Variants in PARD6G observed in about 807,000 individuals in gnomAD.
PARD6G encodes par-6 family cell polarity regulator gamma.
Under a neutral mutation model 10.7 loss-of-function variants are expected in PARD6G, and 7 were observed. The observed-to-expected ratio is 0.66, with a 90% CI of 0.37 to 1.23. The LOEUF (loss-of-function observed/expected upper bound fraction) is 1.23, where lower values mean the gene tolerates loss of function less well. PARD6G is among the 50% of genes most tolerant of loss of function. The pLI is 0.02. For synonymous variants in PARD6G, 287 were observed against 269.4 expected, an observed-to-expected ratio of 1.07 and a Z score of -0.64; for missense variants, 548 against 571.8, an observed-to-expected ratio of 0.96 and a Z score of 0.42.
rs1362267556 is a variant in PARD6G, at chr18:80,247,100, G to A, written c.72+177C>T. 6.6e-6 allele frequency among the ~76,000 whole-genome samples: 1 copy of A among 152,094 alleles called. No homozygotes were observed. The highest frequency in any genetic ancestry group is 1.5e-5 in the Non-Finnish European group (1 of 67,992). On this transcript the variant is annotated intron_variant, in intron 1 of 2. Transcript: ENST00000353265. The surrounding 1 kb of genome is among the most constrained non-coding windows in gnomAD (Gnocchi z 4.2). ...CGGGCTTTGTGTCCGCGCGGGGGGC[G>A]GGAAGGACGGCCGGGGTCCCCAGTG...
At chr18:80,162,251 C>G (rs2052705429) in intron 2 of PARD6G, 1 of 152,200 alleles carries the variant, frequency 6.6e-6, no homozygotes, top group Admixed American at 6.5e-5. Context: ...TCTGGAAGGA[C>G]TTTTGAAATA....
Position 80,228,734 on chromosome 18 carries a change from C to A in PARD6G, c.72+18543G>T, listed in dbSNP as rs1371163606. Among the ~76,000 whole-genome samples, 1 of 151,150 alleles carries A rather than the reference C, an allele frequency of 6.6e-6. No individual in the cohort carries two copies. Reference sequence around the variant, plus strand: ...TCCACCAAAGACCTGCCTCACACCCCCAGGGGCCTGCCTCCCATCTAAGGC... The same window carrying A: ...TCCACCAAAGACCTGCCTCACACCCACAGGGGCCTGCCTCCCATCTAAGGC... On this transcript the variant is annotated intron_variant, in intron 1 of 2. Coordinates refer to ENST00000353265, the MANE Select transcript of PARD6G (RefSeq NM_032510.4). This position sits in a 1 kb window ranked among gnomAD's most constrained non-coding sequence, Gnocchi z 4.6.
At chr18:80,220,507 T>C (rs900474532) in intron 1 of PARD6G, among the ~76,000 whole-genome samples, 4 of 152,204 alleles carry the variant, frequency 2.6e-5, no homozygotes, top group Non-Finnish European at 5.9e-5. Flanking sequence ...AATATATCAG[T>C]ATTGTGTATT....
chr18:80,226,274 G>T (rs931012402), intron 1 of PARD6G, among the ~76,000 whole-genome samples: 1 of 147,178 alleles, frequency 6.8e-6, no homozygotes, highest in Admixed American at 7.0e-5. Context: ...GGGTTCAGGC[G>T]ATTCTCCTGC....
In PARD6G at chr18:80,246,934, G is replaced by A. The variant is rs976524160; in HGVS notation, c.72+343C>T. Among the ~76,000 whole-genome samples, 2 of 152,186 alleles carry A rather than the reference G, an allele frequency of 1.3e-5. No homozygotes were observed. Among genetic ancestry groups the A allele is most frequent in the Non-Finnish European group, 2.9e-5 (2 of 67,970 alleles). ...CAGCCCCTGGCCCTCAACTCGCCCC[G>A]GAAAGGCCGCCCTCCCCTCCAATGT... On this transcript the variant is annotated intron_variant, in intron 1 of 2. Transcript: ENST00000353265. This position sits in a 1 kb window ranked among gnomAD's most constrained non-coding sequence, Gnocchi z 6.7.
rs1200586680 is a variant in PARD6G, at chr18:80,188,247, C to A, written c.295+14463G>T. ...CTTGGGTCCCATGGCTGGCCCCACC[C>A]TGGCCTCTCCCTAAGGGCGTGGAGG... On this transcript the variant is annotated intron_variant, in intron 2 of 2. Transcript: ENST00000353265. The surrounding 1 kb of genome is among the most constrained non-coding windows in gnomAD (Gnocchi z 5.4). 6.6e-6 allele frequency among the ~76,000 whole-genome samples: 1 copy of A among 152,204 alleles called. No homozygotes were observed. The highest frequency in any genetic ancestry group is 2.4e-5 in the African/African-American group (1 of 41,448).
chr18:80,229,247 A>C (rs1967332253), intron 1 of PARD6G, among the ~76,000 whole-genome samples: 1 of 152,214 alleles, frequency 6.6e-6, no homozygotes, highest in Non-Finnish European at 1.5e-5. Flanking sequence ...CAGAAGTGGT[A>C]TTTGAAAAGG....
At position 80,182,579 on chromosome 18, in the gene PARD6G, A is replaced by T. The variant is rs1466837404; in HGVS notation, c.295+20131T>A. Among the ~76,000 whole-genome samples, 1 of 152,244 alleles carries T rather than the reference A, an allele frequency of 6.6e-6. No homozygotes were observed. The highest frequency in any genetic ancestry group is 6.5e-5 in the Admixed American group (1 of 15,292). Reference sequence around the variant, plus strand: ...GTACACTAAAAATCAAGTCACACTTAAAGGTAGTGTTTTTGGCCAATTTGT... The same window carrying T: ...GTACACTAAAAATCAAGTCACACTTTAAGGTAGTGTTTTTGGCCAATTTGT... On this transcript the variant is annotated intron_variant, in intron 2 of 2. Coordinates refer to ENST00000353265, the MANE Select transcript of PARD6G (RefSeq NM_032510.4). The surrounding 1 kb of genome is among the most constrained non-coding windows in gnomAD (Gnocchi z 4.5).
intron 2 of PARD6G, among the ~76,000 whole-genome samples, chr18:80,187,022 C>A (rs1485252506): frequency 6.6e-6 from 1 of 152,006 alleles, no homozygotes; most frequent in Non-Finnish European, 1.5e-5. Context: ...TGGCGTGAAC[C>A]CGGGAGGTGG....
At chr18:80,244,412 C>T (rs978563093) in intron 1 of PARD6G, among the ~76,000 whole-genome samples, 1 of 152,108 alleles carries the variant, frequency 6.6e-6, no homozygotes, top group African/African-American at 2.4e-5. Context: ...AGATCAAGAC[C>T]ATATGGCCCC....
intron 2 of PARD6G, among the ~76,000 whole-genome samples, chr18:80,176,443 T>C (rs1217332257): frequency 6.6e-6 from 1 of 152,202 alleles, no homozygotes; most frequent in Admixed American, 6.5e-5. Flanking sequence ...ACTTACAATG[T>C]ATACTTCCTA....
rs2052847020 is a variant in PARD6G, at chr18:80,181,214, T to C, written c.296-20608A>G. 1.3e-5 allele frequency among the ~76,000 whole-genome samples: 2 copies of C among 152,182 alleles called. No homozygotes were observed. The highest frequency in any genetic ancestry group is 1.3e-4 in the Admixed American group (2 of 15,294). On this transcript the variant is annotated intron_variant, in intron 2 of 2. Transcript: ENST00000353265. This position sits in a 1 kb window ranked among gnomAD's most constrained non-coding sequence, Gnocchi z 7.9. ...TGCGTACACTGACCGTAGACTGGTG[T>C]GTGCACCAAGCATGCCAGGGACCCC...
In PARD6G at chr18:80,189,582, T is replaced by C. The variant is rs2052896523; in HGVS notation, c.295+13128A>G. On this transcript the variant is annotated intron_variant, in intron 2 of 2. Coordinates refer to ENST00000353265, the MANE Select transcript of PARD6G (RefSeq NM_032510.4). This position sits in a 1 kb window ranked among gnomAD's most constrained non-coding sequence, Gnocchi z 5.5. The stretch of plus-strand genomic sequence containing the variant: ...ACTCCAGATGTCTTCTCTTACCCGC[T>C]AACTGACACCACGTCAGGAGCCCAC... 6.6e-6 allele frequency: 1 copy of C among 152,188 alleles called. No homozygotes were observed. The allele number at this position is 152,188 out of a possible 1,614,324, so 9.4% of individuals were successfully genotyped here.
At chr18:80,205,975 C>T (rs1040628078) in intron 1 of PARD6G, among the ~76,000 whole-genome samples, 24 of 152,234 alleles carry the variant, frequency 1.6e-4, no homozygotes, top group Admixed American at 1.4e-3. Flanking sequence ...ATACAGCTCA[C>T]TTTCACCTCA....
In PARD6G at chr18:80,201,311, G is replaced by A. The variant is rs977786449; in HGVS notation, c.295+1399C>T. 5.9e-5 allele frequency among the ~76,000 whole-genome samples: 9 copies of A among 152,316 alleles called. No homozygotes were observed. Among genetic ancestry groups the A allele is most frequent in the Admixed American group, 5.9e-4 (9 of 15,304 alleles). On this transcript the variant is annotated intron_variant, in intron 2 of 2. Coordinates refer to ENST00000353265, the MANE Select transcript of PARD6G (RefSeq NM_032510.4). This position sits in a 1 kb window ranked among gnomAD's most constrained non-coding sequence, Gnocchi z 5.9. ...GTAGAGAGTTCCAGGGCAGGGGGCA[G>A]GGGGCACAGGCCTCCATTCCAGGAC...
intron 2 of PARD6G, among the ~76,000 whole-genome samples, chr18:80,173,583 C>T (rs1028151214): frequency 7.9e-5 from 12 of 151,842 alleles, no homozygotes; most frequent in Middle Eastern, 3.2e-3. Context: ...CGAGATTGTG[C>T]CACTGCACTC....
chr18:80,228,536 G>T lies in PARD6G; in HGVS notation c.72+18741C>A, dbSNP rs972821032. 6.8e-6 allele frequency among the ~76,000 whole-genome samples: 1 copy of T among 146,860 alleles called. No homozygotes were observed. Among genetic ancestry groups the T allele is most frequent in the Non-Finnish European group, 1.5e-5 (1 of 67,306 alleles). ...CCCCAAGGTGCGCAGACTGTCTCTC[G>T]TCTAAGGTCCCAGACACCACAGGGT... On this transcript the variant is annotated intron_variant, in intron 1 of 2. Coordinates refer to ENST00000353265, the MANE Select transcript of PARD6G (RefSeq NM_032510.4). The surrounding 1 kb of genome is among the most constrained non-coding windows in gnomAD (Gnocchi z 4.6).
Position 80,175,666 on chromosome 18 carries a change from T to C in PARD6G, c.296-15060A>G, listed in dbSNP as rs2052804223. On this transcript the variant is annotated intron_variant, in intron 2 of 2. Transcript: ENST00000353265. The surrounding 1 kb of genome is among the most constrained non-coding windows in gnomAD (Gnocchi z 6.7). ...CTGAGTGTATCTGAGTCACGTTCTC[T>C]GTCAGGGCACAACCCTCGTTCCACC... Among the ~76,000 whole-genome samples, 1 of 152,214 alleles carries C rather than the reference T, an allele frequency of 6.6e-6. No homozygotes were observed. The highest frequency in any genetic ancestry group is 2.1e-4 in the South Asian group (1 of 4,830).
At position 80,192,986 on chromosome 18, in the gene PARD6G, CTG is replaced by C. The variant is rs1304402026; in HGVS notation, c.295+9722_295+9723del. Among the ~76,000 whole-genome samples the C allele has an allele frequency of 4.6e-5, 7 of 152,140 alleles. No homozygotes were observed. Among genetic ancestry groups the C allele is most frequent in the African/African-American group, 7.2e-5 (3 of 41,424 alleles). On this transcript the variant is annotated intron_variant, in intron 2 of 2. Coordinates refer to ENST00000353265, the MANE Select transcript of PARD6G (RefSeq NM_032510.4). This position sits in a 1 kb window ranked among gnomAD's most constrained non-coding sequence, Gnocchi z 4.9. Reference sequence around the variant, plus strand: ...CAACATGTCAACACATCACAGAAGACTGACATCTCAAGACAGAACTTGCTTCC... The same window carrying C: ...CAACATGTCAACACATCACAGAAGACACATCTCAAGACAGAACTTGCTTCC...
Sources: allele counts gnomAD v4.1 joint callset (sites outside exome capture counted in the v4.1 genomes callset), GRCh38; gene constraint gnomAD v4.1.1; non-coding constraint Gnocchi (gnomAD v3.1); transcripts MANE v1.5; gene names NCBI Gene and HGNC (gene_info 2026-07-23, HGNC 2026-07-21).